Variants in PEX11B observed in about 807,000 individuals in gnomAD.
PEX11B encodes the protein peroxisomal membrane protein 11B.
Under a neutral mutation model 28.2 loss-of-function variants are expected in PEX11B, and 18 were observed. That is an observed-to-expected ratio of 0.64 (90% CI 0.44 to 0.95). The LOEUF (loss-of-function observed/expected upper bound fraction) is 0.95, where lower values mean the gene tolerates loss of function less well. Ranked by LOEUF, PEX11B falls within the 40% of genes least tolerant of loss-of-function variation. The pLI is 0.00. For missense variants in PEX11B, 305 were observed against 319.8 expected (o/e 0.95, Z 0.35); for synonymous variants, 128 against 128.7 (o/e 0.99, Z 0.04).
Position 145,916,832 on chromosome 1 carries a change from G to C in PEX11B, c.359C>G (p.Ala120Gly). The C allele has an allele frequency of 6.2e-7, 1 of 1,613,206 alleles. No homozygotes were observed. The highest frequency in any genetic ancestry group is 8.5e-7 in the Non-Finnish European group (1 of 1,179,322). Residue 120 changes from alanine to glycine, a missense_variant, in exon 3 of 4, where the codon GCC (alanine) becomes GGC (glycine). Physicochemically the swap from Ala to Gly is moderately conservative, Grantham distance 60. Coordinates refer to ENST00000369306, the MANE Select transcript of PEX11B (RefSeq NM_003846.3). ...GATATCAAACCTGAATGAACGCTGG[G>C]CCCACTTCTCCTGATCCACACGGGG... is the stretch of plus-strand genomic sequence containing the variant. Reference protein sequence around the residue: ...LAPRVDQEKWAQRSFRYYLFS... With the variant: ...LAPRVDQEKWGQRSFRYYLFS...
intron 1 of PEX11B, 188 bp downstream of exon 1, chr1:145,918,444 AT>A: frequency 6.5e-7 from 1 of 1,536,104 alleles, no homozygotes; most frequent in East Asian, 2.4e-5. Context: ...CAGTTTCCCC[AT>A]CTCTTCCGCG....
In PEX11B at chr1:145,918,458, C is replaced by A. The variant is rs782259937; in HGVS notation, c.56+175G>T. On this transcript the variant is annotated intron_variant, in intron 1 of 3. Coordinates refer to ENST00000369306, the MANE Select transcript of PEX11B (RefSeq NM_003846.3). Reference sequence around the variant, plus strand: ...TCAGTTTCCCCATCTCTTCCGCGAACGGAAAGGAATCATCTCAACAGCGGC... The same window carrying A: ...TCAGTTTCCCCATCTCTTCCGCGAAAGGAAAGGAATCATCTCAACAGCGGC... 9 of 1,536,306 alleles carry A rather than the reference C, an allele frequency of 5.9e-6. 1 individual carries two copies. In the South Asian group the frequency reaches 1.1e-4, roughly 18 times the overall value.
At chr1:145,914,108 G>C (rs1553753560) in intron 3 of PEX11B, among the ~76,000 whole-genome samples, 2 of 152,094 alleles carry the variant, frequency 1.3e-5, no homozygotes, top group Non-Finnish European at 2.9e-5. Context: ...AGGCGTGGTG[G>C]CTCACGCCTA....
chr1:145,918,043 T>G, intron 1 of PEX11B: 5 of 984,652 alleles, frequency 5.1e-6, no homozygotes, highest in Non-Finnish European at 4.8e-6. Flanking sequence ...TTGAGCAAAT[T>G]AGAGATTTGA....
At chr1:145,914,910 T>C (rs1647293227) in intron 3 of PEX11B, among the ~76,000 whole-genome samples, 1 of 152,206 alleles carries the variant, frequency 6.6e-6, no homozygotes, top group Non-Finnish European at 1.5e-5. Context: ...GTTTGTCTTT[T>C]CTTTTTTTTT....
intron 3 of PEX11B, among the ~76,000 whole-genome samples, chr1:145,913,087 C>CA (rs79816387): frequency 0.14 from 9,147 of 65,272 alleles, 1,038 homozygotes; most frequent in African/African-American, 0.36. Context: ...GACTCTGTCT[C>CA]AAAAAAAAAA....
Position 145,912,160 on chromosome 1 carries a change from G to A in PEX11B, c.*1C>T, listed in dbSNP as rs1214811206. On this transcript the variant is annotated 3_prime_UTR_variant, in exon 4 of 4. Coordinates refer to ENST00000369306, the MANE Select transcript of PEX11B (RefSeq NM_003846.3). ...TCCCCTCCTTATCCTGTACCGGAAG[G>A]TCAGGGCTTGAGTCGTAGCCAGGGA... The A allele has an allele frequency of 2.5e-6, 4 of 1,592,058 alleles. No homozygotes were observed. Among genetic ancestry groups the A allele is most frequent in the Non-Finnish European group, 3.4e-6 (4 of 1,168,196 alleles).
At chr1:145,914,327 T>C (rs1553753601) in intron 3 of PEX11B, among the ~76,000 whole-genome samples, 1 of 151,768 alleles carries the variant, frequency 6.6e-6, no homozygotes, top group Non-Finnish European at 1.5e-5. Context: ...TGAGCTGAGA[T>C]TGCACCATTG....
rs1553753280 is a variant in PEX11B, at chr1:145,912,423, A to C, written c.518T>G (p.Leu173Arg). 4.4e-6 allele frequency: 7 copies of C among 1,578,468 alleles called. No individual in the cohort carries two copies. The highest frequency in any genetic ancestry group is 6.0e-6 in the Non-Finnish European group (7 of 1,161,348). Residue 173 changes from leucine to arginine, a missense_variant, in exon 4 of 4, where the codon CTT (leucine) becomes CGT (arginine). Coordinates refer to ENST00000369306, the MANE Select transcript of PEX11B (RefSeq NM_003846.3). ...TCCTCCTGGAGTCCCTGGTCCCCCA[A>C]GTCCCCCAGTTTCACTTCCTCCTGG... ...GVPGGSETGG[L>R]GGPGTPGGGL...
At chr1:145,914,059 C>T (rs587616140) in intron 3 of PEX11B, among the ~76,000 whole-genome samples, 2 of 152,302 alleles carry the variant, frequency 1.3e-5, no homozygotes, top group East Asian at 3.9e-4. Context: ...ACATAAATCA[C>T]ATCATTACTT....
At position 145,912,152 on chromosome 1, in the gene PEX11B, A is replaced by C. The variant is rs1424103092; in HGVS notation, c.*9T>G. On this transcript the variant is annotated 3_prime_UTR_variant, in exon 4 of 4. Coordinates refer to ENST00000369306, the MANE Select transcript of PEX11B (RefSeq NM_003846.3). ...AATTCAGGTCCCCTCCTTATCCTGT[A>C]CCGGAAGGTCAGGGCTTGAGTCGTA... 5.7e-6 allele frequency: 9 copies of C among 1,580,798 alleles called. No homozygotes were observed. Among genetic ancestry groups the C allele is most frequent in the Non-Finnish European group, 7.7e-6 (9 of 1,162,322 alleles).
Position 145,911,959 on chromosome 1 carries a change from C to T in PEX11B, c.*202G>A, listed in dbSNP as rs1354860464. On this transcript the variant is annotated 3_prime_UTR_variant, in exon 4 of 4. Transcript: ENST00000369306. ...GAGGAAAAGAACAGAAGCTCAGGCACATCTAGAAATTAGAGACATCCTATT... is the reference window on the plus strand; with the variant it reads ...GAGGAAAAGAACAGAAGCTCAGGCATATCTAGAAATTAGAGACATCCTATT... 12 of 430,030 alleles carry T rather than the reference C, an allele frequency of 2.8e-5. No homozygotes were observed. Among genetic ancestry groups the T allele is most frequent in the Admixed American group, 4.1e-5 (1 of 24,308 alleles). The allele number at this position is 430,030 out of a possible 1,614,324, so 26.6% of individuals were successfully genotyped here. A position where few individuals can be genotyped will look rare whatever the true frequency, so the allele number is the denominator to read the frequency against.
rs782032329 is a variant in PEX11B at position 145,917,731 on chromosome 1, G to A, written c.142C>T (p.Leu48=). The change falls in exon 2 of 4, where the codon CTG becomes TTG. Residue 48 remains leucine, a synonymous_variant. Transcript: ENST00000369306. ...CTTCCAAGGCTCAGGTGGCTCTCCA[G>A]TTGTCGAATCTGTTTCTGTAACTCA... is the stretch of plus-strand genomic sequence containing the variant. The part of the protein sequence containing the change: ...SPELQKQIRQ[L]ESHLSLGRKL... 1 of 1,610,448 alleles carries A rather than the reference G, an allele frequency of 6.2e-7. No individual in the cohort carries two copies. Among genetic ancestry groups the A allele is most frequent in the South Asian group, 1.1e-5 (1 of 91,014 alleles).
chr1:145,913,683 C>T (rs1238748932), intron 3 of PEX11B, among the ~76,000 whole-genome samples: 2 of 151,770 alleles, frequency 1.3e-5, no homozygotes, highest in African/African-American at 2.4e-5. Flanking sequence ...TTTGAAAGAA[C>T]AAATTTCAGA....
In PEX11B at chr1:145,918,285, G is replaced by A. The variant is rs952496054; in HGVS notation, c.56+348C>T. On this transcript the variant is annotated intron_variant, in intron 1 of 3. Coordinates refer to ENST00000369306, the MANE Select transcript of PEX11B (RefSeq NM_003846.3). ...GCACGGTGTGGGGACACGGAAACTG[G>A]GAGTGCCTCCTCAGCTCTGGGGGCA... 23 of 1,459,656 alleles carry A rather than the reference G, an allele frequency of 1.6e-5. No individual in the cohort carries two copies. In the Admixed American group the frequency reaches 5.2e-4, roughly 33 times the overall value. The allele number at this position is 1,459,656 out of a possible 1,614,324, so 90.4% of individuals were successfully genotyped here. A position where few individuals can be genotyped will look rare whatever the true frequency, so the allele number is the denominator to read the frequency against.
Position 145,911,374 on chromosome 1 carries a change from T to G in PEX11B, c.*787A>C, listed in dbSNP as rs587627767. ...GTCGATGAGCAAACTGAACTTTAATTTGCTTACCTGAAAGGCTTGCTCTTC... is the reference window on the plus strand; with the variant it reads ...GTCGATGAGCAAACTGAACTTTAATGTGCTTACCTGAAAGGCTTGCTCTTC... On this transcript the variant is annotated 3_prime_UTR_variant, in exon 4 of 4. Coordinates refer to ENST00000369306, the MANE Select transcript of PEX11B (RefSeq NM_003846.3). The G allele has an allele frequency of 1.3e-5, 2 of 152,434 alleles. No individual in the cohort carries two copies. The highest frequency in any genetic ancestry group is 3.8e-4 in the East Asian group (2 of 5,230). The allele number at this position is 152,434 out of a possible 1,614,324, so 9.4% of individuals were successfully genotyped here.
chr1:145,917,141 C>G (rs760927121), intron 2 of PEX11B, 123 bp from the exon 3 acceptor site: 43 of 684,982 alleles, frequency 6.3e-5, no homozygotes, highest in East Asian at 1.1e-4. Flanking sequence ...TTTTAAAGAG[C>G]AGAAACAGGC....
chr1:145,913,227 C>G (rs587635971), intron 3 of PEX11B, among the ~76,000 whole-genome samples: 35 of 152,082 alleles, frequency 2.3e-4, no homozygotes, highest in African/African-American at 8.0e-4. Flanking sequence ...TTCTGGAGAT[C>G]TAATGTACTA....
chr1:145,917,851 C>T (rs1647494486), intron 1 of PEX11B, 35 bp from the exon 2 acceptor site: 1 of 1,507,772 alleles, frequency 6.6e-7, no homozygotes, highest in African/African-American at 1.4e-5. Context: ...AGGTGGAGAC[C>T]TCCCTAACCT....
Sources: gnomAD v4.1 joint callset for allele counts (sites outside exome capture counted in the v4.1 genomes callset) on GRCh38, gnomAD v4.1.1 for gene constraint, MANE v1.5 for transcripts, NCBI Gene and HGNC (gene_info 2026-07-23, HGNC 2026-07-21) for gene names.